DAPL1: variants seen among roughly 807,000 people sequenced by gnomAD.
DAPL1 encodes the protein death-associated protein-like 1.
Under a neutral mutation model 12.9 loss-of-function variants are expected in DAPL1, and 17 were observed. The ratio of observed to expected loss-of-function variants is 1.32; its 90% CI spans 0.90 to 1.98. The LOEUF (loss-of-function observed/expected upper bound fraction) is 1.98. Ranked by LOEUF, DAPL1 falls within the 30% of genes most tolerant of loss-of-function variation. The probability of loss-of-function intolerance (pLI) is 0.00; values close to 1 mark genes in which losing one functional copy is unlikely to be tolerated. For missense variants in DAPL1, 157 were observed against 125.7 expected (o/e 1.25, Z -1.19); for synonymous variants, 51 against 42.0 (o/e 1.21, Z -0.82).
Position 158,815,689 on chromosome 2 carries a change from C to A in DAPL1, c.208-16C>A. 6.5e-7 allele frequency: 1 copy of A among 1,536,592 alleles called. No homozygotes were observed. The highest frequency in any genetic ancestry group is 1.4e-5 in the African/African-American group (1 of 73,532). On this transcript the variant is annotated splice_polypyrimidine_tract_variant and intron_variant, in intron 3 of 3. Coordinates refer to ENST00000309950, the MANE Select transcript of DAPL1 (RefSeq NM_001017920.3). ...AGATCCAATATGCCTATTTTTTCTT[C>A]CCTTCTCACCTTTAGCTCAACTATA...
intron 1 of DAPL1, among the ~76,000 whole-genome samples, chr2:158,801,277 C>T (rs1354472126): frequency 6.6e-6 from 1 of 152,124 alleles, no homozygotes; most frequent in Non-Finnish European, 1.5e-5. Context: ...ATAATTACAG[C>T]ACACTATATA....
At chr2:158,799,286 GT>G (rs1236356020) in intron 1 of DAPL1, among the ~76,000 whole-genome samples, 4 of 152,146 alleles carry the variant, frequency 2.6e-5, no homozygotes, top group Non-Finnish European at 5.9e-5. Flanking sequence ...TGTTAAATCA[GT>G]TCATATTTTA....
At chr2:158,811,815 C>G (rs1032186124) in intron 3 of DAPL1, among the ~76,000 whole-genome samples, 9 of 152,256 alleles carry the variant, frequency 5.9e-5, no homozygotes, top group African/African-American at 1.7e-4. Context: ...ATGAAAATTC[C>G]ACAGCTTCCC....
chr2:158,801,094 C>T (rs7577136), intron 1 of DAPL1, among the ~76,000 whole-genome samples: 13,900 of 152,224 alleles, frequency 0.091, 764 homozygotes, highest in South Asian at 0.17. Context: ...CCACCTGCCT[C>T]GGCCTCCCAA....
At chr2:158,806,116 C>T (rs1490282173) in intron 2 of DAPL1, among the ~76,000 whole-genome samples, 3 of 148,194 alleles carry the variant, frequency 2.0e-5, no homozygotes, top group Non-Finnish European at 4.5e-5. Context: ...ACAAACACTC[C>T]TTTGTATGTC....
intron 1 of DAPL1, among the ~76,000 whole-genome samples, chr2:158,801,492 A>G (rs560908488): frequency 2.0e-5 from 3 of 152,332 alleles, no homozygotes; most frequent in South Asian, 4.1e-4. Context: ...ATGGCTATTC[A>G]GAAATGTTTC....
rs747212755 is a variant in DAPL1 at position 158,807,123 on chromosome 2, G to A, written c.207+8G>A. 29 of 1,604,198 alleles carry A rather than the reference G, an allele frequency of 1.8e-5. No homozygotes were observed. Among genetic ancestry groups the A allele is most frequent in the East Asian group, 4.5e-5 (2 of 44,636 alleles). On this transcript the variant is annotated splice_region_variant and intron_variant, in intron 3 of 3. Coordinates refer to ENST00000309950, the MANE Select transcript of DAPL1 (RefSeq NM_001017920.3). ...AATGACGCACTGGAGAAGGTGAGCC[G>A]TGGGCAAATCACATAGCGCTCCAAG... is the stretch of plus-strand genomic sequence containing the variant.
At chr2:158,814,485 C>T (rs147959200) in intron 3 of DAPL1, among the ~76,000 whole-genome samples, 65 of 152,300 alleles carry the variant, frequency 4.3e-4, no homozygotes, top group Non-Finnish European at 7.5e-4. Flanking sequence ...AAAAGAGAGG[C>T]ATTGCCCATA....
chr2:158,812,409 C>A (rs1426753809), intron 3 of DAPL1, among the ~76,000 whole-genome samples: 1 of 152,154 alleles, frequency 6.6e-6, no homozygotes. Flanking sequence ...TAAAATGTAA[C>A]CCTTAACACT....
At chr2:158,804,482 A>C in intron 2 of DAPL1, 113 bp downstream of exon 2, 2 of 505,868 alleles carry the variant, frequency 4.0e-6, no homozygotes, top group East Asian at 3.8e-5. Context: ...CAGCCAGAGA[A>C]GGGGGCAGGA....
At chr2:158,798,310 A>T (rs562349714) in intron 1 of DAPL1, among the ~76,000 whole-genome samples, 1 of 152,316 alleles carries the variant, frequency 6.6e-6, no homozygotes, top group South Asian at 2.1e-4. Context: ...ACAACCATAA[A>T]CTGCATATGG....
chr2:158,813,979 T>C (rs895569504), intron 3 of DAPL1, among the ~76,000 whole-genome samples: 2 of 152,196 alleles, frequency 1.3e-5, no homozygotes, highest in Non-Finnish European at 2.9e-5. Context: ...CCTTGGCTAA[T>C]TGCCCAAATT....
At chr2:158,810,712 A>G (rs1330806763) in intron 3 of DAPL1, among the ~76,000 whole-genome samples, 2 of 151,228 alleles carry the variant, frequency 1.3e-5, no homozygotes, top group Non-Finnish European at 2.9e-5. Flanking sequence ...TTTCCTCCTC[A>G]CTCTCCAGCC....
At chr2:158,795,887 G>A (rs1267194458) in intron 1 of DAPL1, among the ~76,000 whole-genome samples, 1 of 152,192 alleles carries the variant, frequency 6.6e-6, no homozygotes, top group Admixed American at 6.5e-5. Context: ...AGGCAAAGCA[G>A]CTTCTGCACA....
At chr2:158,810,274 A>G (rs1425119423) in intron 3 of DAPL1, among the ~76,000 whole-genome samples, 1 of 152,170 alleles carries the variant, frequency 6.6e-6, no homozygotes, top group East Asian at 1.9e-4. Flanking sequence ...TCCTCACGGT[A>G]TGTATTGCCA....
rs540655147 is a variant in DAPL1, at chr2:158,804,234, C to A, written c.59-48C>A. On this transcript the variant is annotated intron_variant, in intron 1 of 3. Coordinates refer to ENST00000309950, the MANE Select transcript of DAPL1 (RefSeq NM_001017920.3). ...GTCATACCTTTAATAACAAAGCAAG[C>A]CTTCTCTCACTGTTCTAACTTCCAT... 56 of 1,288,934 alleles carry A rather than the reference C, an allele frequency of 4.3e-5. No homozygotes were observed. The East Asian group carries it at 1.0e-3, about 24-fold the overall frequency. The allele number at this position is 1,288,934 out of a possible 1,614,324, so 79.8% of individuals were successfully genotyped here.
At chr2:158,811,575 C>T (rs1307984105) in intron 3 of DAPL1, among the ~76,000 whole-genome samples, 3 of 152,204 alleles carry the variant, frequency 2.0e-5, no homozygotes, top group East Asian at 1.9e-4. Flanking sequence ...GTTCTGAGGT[C>T]GCAGCTACCC....
Position 158,795,412 on chromosome 2 carries a change from G to A in DAPL1, c.40G>A (p.Gly14Arg), listed in dbSNP as rs1409439936. Residue 14 changes from glycine to arginine, a missense_variant, in exon 1 of 4, where the codon GGG (glycine) becomes AGG (arginine). Physicochemically the swap from Gly to Arg is moderately radical, Grantham distance 125. Coordinates refer to ENST00000309950, the MANE Select transcript of DAPL1 (RefSeq NM_001017920.3). ...GCAAGACCTGCTCTCCCCTCGGAAA[G>A]GGGGACATCCTCCTGCAGGTAGGCT... Reference protein sequence around the residue: ...EVQDLLSPRKGGHPPAVKAGG... With the variant: ...EVQDLLSPRKRGHPPAVKAGG... 6.4e-7 allele frequency: 1 copy of A among 1,555,604 alleles called. No homozygotes were observed. The highest frequency in any genetic ancestry group is 8.7e-7 in the Non-Finnish European group (1 of 1,149,232).
intron 3 of DAPL1, 81 bp from the exon 4 acceptor site, chr2:158,815,624 C>T (rs745891105): frequency 9.9e-5 from 85 of 856,832 alleles, no homozygotes; most frequent in Admixed American, 1.3e-4. Flanking sequence ...CCTTGATCAA[C>T]GATATCACTT....
Sources: gnomAD v4.1 joint callset for allele counts (sites outside exome capture counted in the v4.1 genomes callset) on GRCh38, gnomAD v4.1.1 for gene constraint, MANE v1.5 for transcripts, NCBI Gene and HGNC (gene_info 2026-07-23, HGNC 2026-07-21) for gene names.